PCDHGA6: variants seen among roughly 807,000 people sequenced by gnomAD.
PCDHGA6 encodes protocadherin gamma subfamily A, 6.
PCDHGA6 carries 41 observed loss-of-function variants against 60.6 expected under a neutral mutation model. The ratio of observed to expected loss-of-function variants is 0.68; its 90% CI spans 0.53 to 0.88. PCDHGA6 has a LOEUF of 0.88. Ranked by LOEUF, PCDHGA6 falls within the 40% of genes least tolerant of loss-of-function variation. The pLI, the probability that PCDHGA6 is intolerant of heterozygous loss-of-function variation, is 0.00. For missense variants in PCDHGA6, 1,312 were observed against 1,203.0 expected (o/e 1.09, Z -1.34); for synonymous variants, 594 against 524.4 (o/e 1.13, Z -1.81).
intron 1 of PCDHGA6, chr5:141,393,960 G>A (rs2092885452): frequency 4.3e-6 from 7 of 1,613,944 alleles, no homozygotes; most frequent in Non-Finnish European, 5.1e-6. Context: ...TGGTCAAGTT[G>A]TCTGTTACAC....
chr5:141,487,013 C>T lies in PCDHGA6; in HGVS notation c.2425-7794C>T. ...GGTTTCCTATCAGCTCCTGGAGGCC[C>T]CAGATCCCAGCCTGTTTGCAGTCTC... On this transcript the variant is annotated intron_variant, in intron 1 of 3. Coordinates refer to ENST00000517434, the MANE Select transcript of PCDHGA6 (RefSeq NM_018919.3). The surrounding 1 kb of genome is among the most constrained non-coding windows in gnomAD (Gnocchi z 5.0). The T allele has an allele frequency of 1.2e-6, 2 of 1,614,220 alleles. No individual in the cohort carries two copies. Among genetic ancestry groups the T allele is most frequent in the Non-Finnish European group, 1.7e-6 (2 of 1,180,040 alleles).
At chr5:141,399,289 T>C (rs755445485) in intron 1 of PCDHGA6, 1 of 1,613,918 alleles carries the variant, frequency 6.2e-7, no homozygotes, top group Admixed American at 1.7e-5. Context: ...CGAAGTCCCT[T>C]TTAAGATTAT....
intron 1 of PCDHGA6, chr5:141,422,545 T>C: frequency 6.2e-7 from 1 of 1,614,000 alleles, no homozygotes; most frequent in Non-Finnish European, 8.5e-7. Context: ...AACTCATGTC[T>C]GGCTGAATGT....
chr5:141,511,118 C>T lies in PCDHGA6; in HGVS notation c.2744C>T (p.Ala915Val), dbSNP rs1352222210. 1.2e-6 allele frequency: 2 copies of T among 1,614,094 alleles called. No individual in the cohort carries two copies. The highest frequency in any genetic ancestry group is 1.7e-6 in the Non-Finnish European group (2 of 1,180,022). The change falls in exon 4 of 4, where the codon GCC (alanine) becomes GTC (valine). Residue 915 changes from alanine to valine, a missense_variant. Coordinates refer to ENST00000517434, the MANE Select transcript of PCDHGA6 (RefSeq NM_018919.3). ...GCAGCTGGCAAGCGGGATGGCAAGG[C>T]CCCAGCAGGTGGCAATGGCAACAAG... is the stretch of plus-strand genomic sequence containing the variant. ...TNAAGKRDGK[A>V]PAGGNGNKKK... is the part of the protein sequence containing the mutation.
chr5:141,466,118 G>A lies in PCDHGA6; in HGVS notation c.2425-28689G>A, dbSNP rs1299389265. ...GCCTGGGCAACAGAGTGAGACTCCA[G>A]CTCAAAAAAAAAATCAAGTGAAAAC... On this transcript the variant is annotated intron_variant, in intron 1 of 3. Coordinates refer to ENST00000517434, the MANE Select transcript of PCDHGA6 (RefSeq NM_018919.3). Among the ~76,000 whole-genome samples the A allele has an allele frequency of 2.0e-5, 3 of 151,096 alleles. No individual in the cohort carries two copies. The East Asian group carries it at 5.8e-4, about 29-fold the overall frequency.
rs766431596 is a variant in PCDHGA6 at position 141,422,883 on chromosome 5, C to T, written c.2424+46376C>T. The T allele has an allele frequency of 3.7e-6, 6 of 1,614,124 alleles. No homozygotes were observed. The African/African-American group carries it at 4.0e-5, about 11-fold the overall frequency. Reference sequence around the variant, plus strand: ...GCAGCAACGTGTCGCTGAGCCTGTTCGTGCTGGACCAGAACGACAATGCGC... The same window carrying T: ...GCAGCAACGTGTCGCTGAGCCTGTTTGTGCTGGACCAGAACGACAATGCGC... On this transcript the variant is annotated intron_variant, in intron 1 of 3. Transcript: ENST00000517434.
chr5:141,497,540 CTT>C (rs754207034), intron 2 of PCDHGA6, among the ~76,000 whole-genome samples: 114 of 134,852 alleles, frequency 8.5e-4, no homozygotes, highest in Middle Eastern at 3.7e-3. Context: ...TGCAACAAAC[CTT>C]TTTTTTTTTT....
At chr5:141,384,184 A>T (rs1179495803) in intron 1 of PCDHGA6, 1 of 1,613,758 alleles carries the variant, frequency 6.2e-7, no homozygotes, top group Non-Finnish European at 8.5e-7. Flanking sequence ...AGATGGTGGA[A>T]CTCCTCCCTT....
At chr5:141,503,384 C>G (rs898225633) in intron 2 of PCDHGA6, among the ~76,000 whole-genome samples, 1 of 151,906 alleles carries the variant, frequency 6.6e-6, no homozygotes, top group Non-Finnish European at 1.5e-5. Flanking sequence ...ATCATGAGGT[C>G]AGGAGTTCGA....
chr5:141,489,999 G>C lies in PCDHGA6; in HGVS notation c.2425-4808G>C, dbSNP rs772783990. Reference sequence around the variant, plus strand: ...CAGTTCTACGTGTGGGAATCCCAGAGAATGCACCCATTGGTACTCTGCTGC... The same window carrying C: ...CAGTTCTACGTGTGGGAATCCCAGACAATGCACCCATTGGTACTCTGCTGC... On this transcript the variant is annotated intron_variant, in intron 1 of 3. Coordinates refer to ENST00000517434, the MANE Select transcript of PCDHGA6 (RefSeq NM_018919.3). This position sits in a 1 kb window ranked among gnomAD's most constrained non-coding sequence, Gnocchi z 4.5. 6.2e-7 allele frequency: 1 copy of C among 1,614,242 alleles called. No individual in the cohort carries two copies. Among genetic ancestry groups the C allele is most frequent in the East Asian group, 2.2e-5 (1 of 44,886 alleles).
intron 1 of PCDHGA6, among the ~76,000 whole-genome samples, chr5:141,450,814 A>C (rs990515429): frequency 1.5e-5 from 2 of 136,790 alleles, no homozygotes; most frequent in Non-Finnish European, 3.1e-5. Context: ...TTATTTATTT[A>C]ATATTATTAT....
intron 1 of PCDHGA6, chr5:141,433,096 C>G: frequency 3.1e-6 from 5 of 1,614,118 alleles, no homozygotes; most frequent in Non-Finnish European, 4.2e-6. Flanking sequence ...CAGACATGCT[C>G]GTCAGCCAGG....
At chr5:141,465,644 A>G (rs1320011410) in intron 1 of PCDHGA6, among the ~76,000 whole-genome samples, 2 of 152,186 alleles carry the variant, frequency 1.3e-5, no homozygotes, top group African/African-American at 4.8e-5. Context: ...TGCTTTGAAC[A>G]TCCCAAAAAA....
chr5:141,495,470 C>A (rs2099761615), intron 2 of PCDHGA6, among the ~76,000 whole-genome samples: 1 of 152,196 alleles, frequency 6.6e-6, no homozygotes, highest in African/African-American at 2.4e-5. Flanking sequence ...GTGGGGTCTC[C>A]GTGTCTCTGC....
At chr5:141,394,057 T>C (rs1318938543) in intron 1 of PCDHGA6, 1 of 1,613,750 alleles carries the variant, frequency 6.2e-7, no homozygotes, top group East Asian at 2.2e-5. Flanking sequence ...CGAGAAAATG[T>C]CTCTATCTAC....
At chr5:141,420,214 C>G (rs1356792048) in intron 1 of PCDHGA6, 1 of 1,611,064 alleles carries the variant, frequency 6.2e-7, no homozygotes, top group Admixed American at 1.7e-5. Context: ...ACAAAGATAG[C>G]ATGCTACTGG....
Position 141,422,656 on chromosome 5 carries a change from G to T in PCDHGA6, c.2424+46149G>T, listed in dbSNP as rs759548203. The T allele has an allele frequency of 7.5e-6, 12 of 1,609,898 alleles. 1 individual carries two copies. The African/African-American group carries it at 1.1e-4, about 14-fold the overall frequency. On this transcript the variant is annotated intron_variant, in intron 1 of 3. Transcript: ENST00000517434. The stretch of plus-strand genomic sequence containing the variant: ...GGGTGCCTCCATCTTCTCAGTGACC[G>T]CCCTCGACCCGGACAGCAAACAGAA...
At chr5:141,385,098 G>A (rs1175088584) in intron 1 of PCDHGA6, 2 of 1,614,080 alleles carry the variant, frequency 1.2e-6, no homozygotes, top group Non-Finnish European at 1.7e-6. Flanking sequence ...GTGGCTTGGC[G>A]AACGTGCCCA....
Position 141,398,862 on chromosome 5 carries a change from C to G in PCDHGA6, c.2424+22355C>G, listed in dbSNP as rs771326288. On this transcript the variant is annotated intron_variant, in intron 1 of 3. Transcript: ENST00000517434. ...ATAATCCCCCGGTATTCAACCGAGA[C>G]GTGTACAGAGTCAGCCTTCGGGAAA... 4 of 1,613,848 alleles carry G rather than the reference C, an allele frequency of 2.5e-6. No individual in the cohort carries two copies. The African/African-American group carries it at 5.3e-5, about 22-fold the overall frequency.
Sources: allele counts gnomAD v4.1 joint callset (sites outside exome capture counted in the v4.1 genomes callset), GRCh38; gene constraint gnomAD v4.1.1; non-coding constraint Gnocchi (gnomAD v3.1); transcripts MANE v1.5; gene names NCBI Gene and HGNC (gene_info 2026-07-23, HGNC 2026-07-21).